DIPK1A: variants seen among roughly 807,000 people sequenced by gnomAD.
The protein encoded by DIPK1A is family with sequence similarity 69 member A.
A neutral mutation model predicts 40.8 loss-of-function variants in DIPK1A; 27 were observed. The observed-to-expected ratio is 0.66, with a 90% CI of 0.49 to 0.91. The LOEUF is 0.91. Ranked by LOEUF, DIPK1A falls within the 40% of genes least tolerant of loss-of-function variation. The pLI, the probability that DIPK1A is intolerant of heterozygous loss-of-function variation, is 0.00. For synonymous variants in DIPK1A, 166 were observed against 171.3 expected (o/e 0.97, Z 0.24); for missense variants, 412 against 505.7 (o/e 0.81, Z 1.78).
intron 1 of DIPK1A, among the ~76,000 whole-genome samples, chr1:92,886,468 G>A (rs576926861): frequency 1.1e-4 from 16 of 152,104 alleles, no homozygotes; most frequent in African/African-American, 3.9e-4. Context: ...TTATATGCGT[G>A]AGCCACTGTA....
At chr1:92,832,982 T>G in exon 5 of DIPK1A, 1 of 731,186 alleles carries the variant, frequency 1.4e-6, no homozygotes, top group Non-Finnish European at 2.5e-6. Flanking sequence ...CATCACTGAT[T>G]GCTGTCTGGA....
At chr1:92,873,607 T>C (rs1466046467) in intron 2 of DIPK1A, among the ~76,000 whole-genome samples, 2 of 142,646 alleles carry the variant, frequency 1.4e-5, no homozygotes. Context: ...AGAGCAAAAC[T>C]CTGTCTCAAA....
chr1:92,876,379 C>A lies in DIPK1A; in HGVS notation c.106G>T (p.Val36Phe). The A allele has an allele frequency of 6.2e-7, 1 of 1,613,294 alleles. No homozygotes were observed. The highest frequency in any genetic ancestry group is 1.1e-5 in the South Asian group (1 of 91,016). Residue 36 changes from valine to phenylalanine, a missense_variant, in exon 2 of 5, where the codon GTT becomes TTT. Val to Phe is a conservative substitution (Grantham distance 50, BLOSUM62 -1). Coordinates refer to ENST00000370310, the MANE Select transcript of DIPK1A (RefSeq NM_001006605.5). ...MKYLFFSWLVVFVGSWIIYVQ... is the reference protein window; with the variant it reads ...MKYLFFSWLVFFVGSWIIYVQ... ...TATATAATCCAGCTTCCAACAAAAA[C>A]CACTAACCAGGAAAAGAAAAGATAT... is the stretch of plus-strand genomic sequence containing the variant.
At chr1:92,860,643 A>G (rs1256591413) in intron 2 of DIPK1A, among the ~76,000 whole-genome samples, 238 of 8,016 alleles carry the variant, frequency 0.03, 13 homozygotes, top group Non-Finnish European at 0.057. Flanking sequence ...AAAAAAAAAA[A>G]AAATGGTGGT....
rs376799301 is a variant in DIPK1A, at chr1:92,836,065, G to C, written c.475-3031C>G. ...CATGAGCAAGTGGATCTGGTGAAAG[G>C]GTGGGTGTGGAAGGAAATTTTCTTT... On this transcript the variant is annotated intron_variant, in intron 4 of 4. Coordinates refer to the DIPK1A transcript ENST00000615519. 42 of 825,452 alleles carry C rather than the reference G, an allele frequency of 5.1e-5. No individual in the cohort carries two copies. In the African/African-American group the frequency reaches 5.4e-4, roughly 11 times the overall value. The allele number at this position is 825,452 out of a possible 1,614,324, so 51.1% of individuals were successfully genotyped here.
At chr1:92,912,488 G>A (rs1038114722) in intron 1 of DIPK1A, among the ~76,000 whole-genome samples, 1 of 151,772 alleles carries the variant, frequency 6.6e-6, no homozygotes, top group Admixed American at 6.6e-5. Flanking sequence ...GAACTAAAGG[G>A]GAAAATGCAG....
At chr1:92,913,995 A>G (rs1049599381) in intron 1 of DIPK1A, among the ~76,000 whole-genome samples, 1 of 152,166 alleles carries the variant, frequency 6.6e-6, no homozygotes, top group Non-Finnish European at 1.5e-5. Context: ...AAAGAAAATC[A>G]GTGAAATGAT....
At chr1:92,836,100 C>T in intron 4 of DIPK1A, 2 of 1,211,642 alleles carry the variant, frequency 1.7e-6, no homozygotes, top group Non-Finnish European at 2.5e-6. Context: ...TTCCAGATGT[C>T]AGTGGTCCTT....
intron 1 of DIPK1A, among the ~76,000 whole-genome samples, chr1:92,942,001 A>G (rs1479544078): frequency 6.6e-6 from 1 of 152,012 alleles, no homozygotes; most frequent in Non-Finnish European, 1.5e-5. Flanking sequence ...AAAAAAAAAA[A>G]AAGCCAGTGT....
chr1:92,834,249 C>T (rs1161870638), intron 4 of DIPK1A, among the ~76,000 whole-genome samples: 1 of 152,120 alleles, frequency 6.6e-6, no homozygotes, highest in Admixed American at 6.5e-5. Flanking sequence ...TTAAACAGGG[C>T]TTTAAGATTG....
At chr1:92,872,400 T>C (rs539845078) in intron 2 of DIPK1A, among the ~76,000 whole-genome samples, 1 of 152,006 alleles carries the variant, frequency 6.6e-6, no homozygotes, top group Non-Finnish European at 1.5e-5. Flanking sequence ...TTTTTATATA[T>C]TACAATTCTC....
At chr1:92,882,375 C>G (rs931022335) in intron 1 of DIPK1A, among the ~76,000 whole-genome samples, 1 of 152,162 alleles carries the variant, frequency 6.6e-6, no homozygotes, top group Non-Finnish European at 1.5e-5. Flanking sequence ...GCGACAAGAA[C>G]AAAACTCCGT....
intron 1 of DIPK1A, among the ~76,000 whole-genome samples, chr1:92,950,909 T>C (rs193301915): frequency 2.9e-4 from 44 of 152,312 alleles, no homozygotes; most frequent in African/African-American, 9.1e-4. Flanking sequence ...CTAATACTAA[T>C]AGGAAAGAAA....
At chr1:92,905,415 C>G (rs74462192) in intron 1 of DIPK1A, among the ~76,000 whole-genome samples, 11,624 of 152,152 alleles carry the variant, frequency 0.076, 510 homozygotes, top group Non-Finnish European at 0.098. Flanking sequence ...ACCTGATTGC[C>G]ATTTGTATGT....
intron 3 of DIPK1A, among the ~76,000 whole-genome samples, chr1:92,850,321 G>C (rs371719780): frequency 2.6e-5 from 4 of 152,030 alleles, no homozygotes; most frequent in African/African-American, 9.7e-5. Context: ...TAACATCAAA[G>C]TGCTGACAGA....
At chr1:92,877,202 C>T (rs981119717) in intron 1 of DIPK1A, 2 of 857,078 alleles carry the variant, frequency 2.3e-6, no homozygotes, top group African/African-American at 3.7e-5. Flanking sequence ...TGGTTGATGC[C>T]TTTTTTCCAT....
intron 1 of DIPK1A, among the ~76,000 whole-genome samples, chr1:92,912,457 T>A (rs1649868709): frequency 6.6e-6 from 1 of 152,140 alleles, no homozygotes; most frequent in South Asian, 2.1e-4. Flanking sequence ...TCTCTCATTA[T>A]AGGTCCAAAA....
intron 1 of DIPK1A, among the ~76,000 whole-genome samples, chr1:92,929,414 C>T (rs978626847): frequency 1.3e-5 from 2 of 152,192 alleles, no homozygotes; most frequent in African/African-American, 4.8e-5. Flanking sequence ...CCTCCCCACA[C>T]ATATGAAGGA....
At chr1:92,912,032 G>A (rs202077136) in intron 1 of DIPK1A, among the ~76,000 whole-genome samples, 1,579 of 131,312 alleles carry the variant, frequency 0.012, 38 homozygotes, top group African/African-American at 0.042. Context: ...AAAAAAAAAA[G>A]GGTACGTTTA....
Sources: gnomAD v4.1 joint callset for allele counts (sites outside exome capture counted in the v4.1 genomes callset) on GRCh38, gnomAD v4.1.1 for gene constraint, MANE v1.5 for transcripts, NCBI Gene and HGNC (gene_info 2026-07-23, HGNC 2026-07-21) for gene names.